PDE4D: variants seen among roughly 807,000 people sequenced by gnomAD.
PDE4D encodes phosphodiesterase 4D.
Under a neutral mutation model 87.4 loss-of-function variants are expected in PDE4D, and 24 were observed. The observed-to-expected ratio is 0.27, with a 90% CI of 0.20 to 0.39. The LOEUF is 0.39. Ranked by LOEUF, PDE4D falls within the 10% of genes least tolerant of loss-of-function variation. The pLI, the probability that PDE4D is intolerant of heterozygous loss-of-function variation, is 1.00. For synonymous variants in PDE4D, 384 were observed against 383.2 expected (o/e 1.00, Z -0.02); for missense variants, 714 against 1,041.0 (o/e 0.69, Z 4.32).
intron 1 of PDE4D, among the ~76,000 whole-genome samples, chr5:59,264,819 GC>G (rs1762594678): frequency 6.6e-6 from 1 of 151,964 alleles, no homozygotes; most frequent in South Asian, 2.1e-4. Flanking sequence ...GACATTTCTA[GC>G]CCCTGTGGCT....
chr5:60,290,302 A>G (rs1225400915), intron 1 of PDE4D, among the ~76,000 whole-genome samples: 1 of 152,204 alleles, frequency 6.6e-6, no homozygotes, highest in Non-Finnish European at 1.5e-5. Context: ...ATAAATCATA[A>G]CAGAATGGAG....
chr5:60,169,428 G>A (rs1368710075), intron 2 of PDE4D, among the ~76,000 whole-genome samples: 1 of 151,914 alleles, frequency 6.6e-6, no homozygotes. Context: ...AATTTGCTCA[G>A]ATTTTTTTCA....
chr5:60,150,135 A>G (rs1781382976), intron 2 of PDE4D, among the ~76,000 whole-genome samples: 1 of 150,904 alleles, frequency 6.6e-6, no homozygotes, highest in South Asian at 2.1e-4. Context: ...AATTTGTACA[A>G]AATGGACTAT....
Position 59,400,030 on chromosome 5 carries a change from G to A in PDE4D, c.456-184062C>T, listed in dbSNP as rs1379252520. Among the ~76,000 whole-genome samples the A allele has an allele frequency of 4.3e-5, 5 of 116,886 alleles. 1 individual carries two copies. The highest frequency in any genetic ancestry group is 9.0e-5 in the Non-Finnish European group (5 of 55,784). 76.7% of individuals were successfully genotyped at this position (116,886 alleles called of 152,430 possible). On this transcript the variant is annotated intron_variant, in intron 1 of 14. Coordinates refer to ENST00000340635, the MANE Select transcript of PDE4D (RefSeq NM_001104631.2). ...GAGAAACGCAAATCAAAACCACAAT[G>A]AGATACCATCTCACACCAGGTAGAA...
At chr5:59,144,078 A>G (rs890852510) in intron 5 of PDE4D, among the ~76,000 whole-genome samples, 2 of 152,212 alleles carry the variant, frequency 1.3e-5, no homozygotes, top group Non-Finnish European at 2.9e-5. Flanking sequence ...TAAAGAAACC[A>G]TCGGGGGTTT....
intron 1 of PDE4D, among the ~76,000 whole-genome samples, chr5:60,423,164 G>T (rs1300364853): frequency 1.3e-5 from 2 of 152,152 alleles, no homozygotes; most frequent in African/African-American, 4.8e-5. Flanking sequence ...GGAAATCCAG[G>T]ACTTGAACTC....
chr5:59,709,829 G>A (rs561749336), intron 1 of PDE4D, among the ~76,000 whole-genome samples: 1 of 152,128 alleles, frequency 6.6e-6, no homozygotes, highest in Non-Finnish European at 1.5e-5. Context: ...AAAAATAAAG[G>A]AAGTAATAAC....
chr5:60,346,128 A>G (rs1758729626), intron 1 of PDE4D, among the ~76,000 whole-genome samples: 1 of 152,148 alleles, frequency 6.6e-6, no homozygotes, highest in African/African-American at 2.4e-5. Flanking sequence ...AACATGCATG[A>G]GTTTGTAATC....
chr5:60,145,262 G>T (rs1273149368), intron 2 of PDE4D, among the ~76,000 whole-genome samples: 1 of 152,210 alleles, frequency 6.6e-6, no homozygotes, highest in African/African-American at 2.4e-5. Context: ...TGACAAGAGG[G>T]TCATCACTTA....
intron 1 of PDE4D, among the ~76,000 whole-genome samples, chr5:59,732,394 TCACACA>T (rs71604799): frequency 3.4e-4 from 49 of 146,208 alleles, no homozygotes; most frequent in South Asian, 8.8e-4. Context: ...CAGGAGACAT[TCACACA>T]CACACACACA....
At chr5:60,396,900 C>T in intron 1 of PDE4D, among the ~76,000 whole-genome samples, 1 of 152,174 alleles carries the variant, frequency 6.6e-6, no homozygotes, top group East Asian at 1.9e-4. Flanking sequence ...CAGACGTGGA[C>T]CTCAAGGTAG....
At chr5:60,160,367 A>G (rs748157502) in intron 2 of PDE4D, among the ~76,000 whole-genome samples, 1 of 152,128 alleles carries the variant, frequency 6.6e-6, no homozygotes, top group Non-Finnish European at 1.5e-5. Context: ...TCTATATTGA[A>G]TTTAGTCTTT....
rs1312350146 is a variant in PDE4D, at chr5:59,893,591, C to G, written c.32G>C (p.Arg11Pro). The G allele has an allele frequency of 6.6e-7, 1 of 1,520,884 alleles. No individual in the cohort carries two copies. The highest frequency in any genetic ancestry group is 2.1e-5 in the Admixed American group (1 of 48,432). 94.2% of individuals were successfully genotyped at this position (1,520,884 alleles called of 1,614,324 possible). Residue 11 changes from arginine to proline, a missense_variant, in exon 1 of 15, where the codon CGG (arginine) becomes CCG (proline). Around this residue, in one of 7 missense-constraint regions of PDE4D, gnomAD observed 268 missense variants for 272.9 expected, o/e 0.98. Coordinates refer to ENST00000340635, the MANE Select transcript of PDE4D (RefSeq NM_001104631.2). ...GTCGCTGCCCTCTCCGCTGCCCGCC[C>G]GGGCCGGCGCGCTGCTGCCCTCTGC... MEAEGSSAPA[R>P]AGSGEGSDSA...
chr5:60,308,327 G>T (rs749983707), intron 1 of PDE4D, among the ~76,000 whole-genome samples: 5 of 152,058 alleles, frequency 3.3e-5, no homozygotes, highest in East Asian at 3.9e-4. Flanking sequence ...TTGCAAAACT[G>T]AATTTAAATT....
intron 1 of PDE4D, among the ~76,000 whole-genome samples, chr5:60,350,823 A>C (rs559727681): frequency 6.6e-6 from 1 of 152,260 alleles, no homozygotes; most frequent in East Asian, 1.9e-4. Context: ...GAGTGGCTCT[A>C]AAAACACCTA....
intron 1 of PDE4D, among the ~76,000 whole-genome samples, chr5:59,242,556 C>A (rs753206560): frequency 6.6e-6 from 1 of 152,096 alleles, no homozygotes; most frequent in Admixed American, 6.6e-5. Flanking sequence ...AAATTGCAAT[C>A]AATAATCCAC....
chr5:59,123,936 T>C (rs1375110701), intron 5 of PDE4D, among the ~76,000 whole-genome samples: 1 of 151,892 alleles, frequency 6.6e-6, no homozygotes, highest in African/African-American at 2.4e-5. Context: ...CTGTATGATG[T>C]AAAAAAAAGA....
intron 1 of PDE4D, among the ~76,000 whole-genome samples, chr5:59,606,033 A>G (rs1828152660): frequency 6.6e-6 from 1 of 152,102 alleles, no homozygotes; most frequent in African/African-American, 2.4e-5. Context: ...GTTGATATAC[A>G]TATATTCATA....
intron 1 of PDE4D, among the ~76,000 whole-genome samples, chr5:59,613,718 T>C (rs138655567): frequency 6.6e-6 from 1 of 152,278 alleles, no homozygotes; most frequent in East Asian, 1.9e-4. Context: ...TAATATTTAT[T>C]TGGTCATGGG....
Sources: gnomAD v4.1 joint callset for allele counts (sites outside exome capture counted in the v4.1 genomes callset) on GRCh38, gnomAD v4.1.1 for gene constraint, gnomAD v4.1.1 regional missense constraint, MANE v1.5 for transcripts, NCBI Gene and HGNC (gene_info 2026-07-23, HGNC 2026-07-21) for gene names.